The following HORMAD2 variants were observed in gnomAD, a reference collection of about 807,000 sequenced individuals.
HORMAD2 encodes the protein HORMA domain-containing protein 2.
In HORMAD2, 45 loss-of-function variants were observed where a neutral mutation model predicts 38.8. The ratio of observed to expected loss-of-function variants is 1.16; its 90% CI spans 0.91 to 1.49. The LOEUF (loss-of-function observed/expected upper bound fraction) is 1.49, where lower values mean the gene tolerates loss of function less well. HORMAD2 is among the 40% of genes most tolerant of loss of function. The pLI is 0.00. For missense variants in HORMAD2, 338 were observed against 367.0 expected (o/e 0.92, Z 0.65); for synonymous variants, 126 against 122.8 (o/e 1.03, Z -0.17).
chr22:30,090,133 C>T (rs752764878), intron 1 of HORMAD2, among the ~76,000 whole-genome samples: 1 of 152,060 alleles, frequency 6.6e-6, no homozygotes, highest in Non-Finnish European at 1.5e-5. Context: ...GAGGATGAGG[C>T]GGGTGGATTG....
chr22:30,088,247 A>G (rs1211531680), intron 1 of HORMAD2, among the ~76,000 whole-genome samples: 1 of 150,316 alleles, frequency 6.7e-6, no homozygotes, highest in Admixed American at 6.6e-5. Context: ...ACATATATAC[A>G]TATACACACA....
chr22:30,190,657 A>C, the HORMAD2 span, among the ~76,000 whole-genome samples: 40 of 152,220 alleles, frequency 2.6e-4, no homozygotes, highest in African/African-American at 8.9e-4. Flanking sequence ...GGCTAGAAAG[A>C]CACTTTGGAA....
intron 1 of HORMAD2, among the ~76,000 whole-genome samples, chr22:30,088,171 A>C (rs181699847): frequency 1.0e-3 from 153 of 150,776 alleles, no homozygotes; most frequent in Middle Eastern, 7.1e-3. Flanking sequence ...ATACCTATGT[A>C]TACATATATA....
intron 10 of HORMAD2, among the ~76,000 whole-genome samples, chr22:30,141,978 G>A (rs778703412): frequency 1.2e-4 from 19 of 152,060 alleles, no homozygotes; most frequent in Non-Finnish European, 1.9e-4. Context: ...GGCTGGGTGC[G>A]ATAGCTCTTA....
the HORMAD2 span, among the ~76,000 whole-genome samples, chr22:30,187,004 C>T: frequency 6.6e-6 from 1 of 152,154 alleles, no homozygotes; most frequent in Non-Finnish European, 1.5e-5. Context: ...TGTCAAGCAT[C>T]CACTCTAACT....
At chr22:30,098,825 C>CT (rs777031934) in intron 2 of HORMAD2, 27 bp from the exon 3 acceptor site, 9 of 1,593,918 alleles carry the variant, frequency 5.6e-6, no homozygotes, top group Middle Eastern at 1.7e-4. Context: ...TAATACTAAT[C>CT]TTTTTTCACC....
chr22:30,180,719 C>T (rs114700622), downstream of HORMAD2, among the ~76,000 whole-genome samples: 1,513 of 152,156 alleles, frequency 9.9e-3, 23 homozygotes, highest in African/African-American at 0.035. Context: ...TAACTCTTAG[C>T]GTGTCCACTT....
chr22:30,109,446 T>G (rs1192114918), intron 5 of HORMAD2, among the ~76,000 whole-genome samples: 1 of 152,176 alleles, frequency 6.6e-6, no homozygotes, highest in Non-Finnish European at 1.5e-5. Flanking sequence ...GCCTCCCAAG[T>G]AGCTAGGACC....
At chr22:30,113,049 TC>T (rs1295359346) in intron 7 of HORMAD2, among the ~76,000 whole-genome samples, 3 of 152,118 alleles carry the variant, frequency 2.0e-5, no homozygotes, top group African/African-American at 7.2e-5. Context: ...TTAGATTTCT[TC>T]CCTCTGTTTA....
chr22:30,152,017 TACCAAA>T (rs2146200674), intron 10 of HORMAD2, among the ~76,000 whole-genome samples: 1 of 152,288 alleles, frequency 6.6e-6, no homozygotes, highest in Admixed American at 6.5e-5. Context: ...TTCCTTTCCT[TACCAAA>T]TTTCTCACAA....
the HORMAD2 span, among the ~76,000 whole-genome samples, chr22:30,200,281 G>A: frequency 5.3e-5 from 8 of 151,792 alleles, no homozygotes; most frequent in Admixed American, 5.2e-4. Context: ...GAATCATAAT[G>A]AATCAGCAAG....
chr22:30,177,235 C>G (rs1166699539), downstream of HORMAD2, among the ~76,000 whole-genome samples: 2 of 152,168 alleles, frequency 1.3e-5, no homozygotes, highest in Non-Finnish European at 2.9e-5. Context: ...ATCAAACTCT[C>G]AGGTTCAGGC....
intron 1 of HORMAD2, among the ~76,000 whole-genome samples, chr22:30,092,262 G>GTAATC (rs2068703014): frequency 6.6e-6 from 1 of 150,430 alleles, no homozygotes; most frequent in African/African-American, 2.4e-5. Flanking sequence ...TTTCCCTGAT[G>GTAATC]ATTAATCATG....
At chr22:30,092,251 A>G (rs1224315863) in intron 1 of HORMAD2, among the ~76,000 whole-genome samples, 1 of 148,696 alleles carries the variant, frequency 6.7e-6, no homozygotes, top group African/African-American at 2.5e-5. Flanking sequence ...TTCAATTTGC[A>G]TTTCCCTGAT....
chr22:30,101,434 G>C (rs962172768), intron 3 of HORMAD2, among the ~76,000 whole-genome samples: 4 of 152,006 alleles, frequency 2.6e-5, no homozygotes, highest in South Asian at 2.1e-4. Context: ...GAGCCTGTAG[G>C]GGGGTGGGGG....
intron 10 of HORMAD2, among the ~76,000 whole-genome samples, chr22:30,158,434 TG>T (rs1455687215): frequency 3.3e-5 from 5 of 152,164 alleles, no homozygotes; most frequent in Non-Finnish European, 7.4e-5. Context: ...TGAACTGTAG[TG>T]GTATAGCTTG....
At chr22:30,131,555 G>T (rs929110601) in intron 10 of HORMAD2, among the ~76,000 whole-genome samples, 1 of 151,924 alleles carries the variant, frequency 6.6e-6, no homozygotes, top group African/African-American at 2.4e-5. Context: ...TCATACAAAT[G>T]ATTTTTTTTG....
chr22:30,145,185 C>T (rs777844761), intron 10 of HORMAD2, among the ~76,000 whole-genome samples: 2 of 152,170 alleles, frequency 1.3e-5, no homozygotes, highest in Non-Finnish European at 2.9e-5. Context: ...GTCTGTGGAG[C>T]TCCTCACACT....
intron 2 of HORMAD2, among the ~76,000 whole-genome samples, chr22:30,095,746 A>G (rs2146077949): frequency 6.6e-6 from 1 of 152,344 alleles, no homozygotes; most frequent in African/African-American, 2.4e-5. Flanking sequence ...TGGCTGAAAG[A>G]ACTGCATAAG....
Sources: gnomAD v4.1 joint callset for allele counts (sites outside exome capture counted in the v4.1 genomes callset) on GRCh38, gnomAD v4.1.1 for gene constraint, MANE v1.5 for transcripts, NCBI Gene and HGNC (gene_info 2026-07-23, HGNC 2026-07-21) for gene names.